The following POC5 variants were observed in gnomAD, a reference collection of about 807,000 sequenced individuals.
POC5 encodes the protein POC5 centriolar protein.
POC5 carries 48 observed loss-of-function variants against 62.9 expected under a neutral mutation model. That is an observed-to-expected ratio of 0.76 (90% CI 0.61 to 0.97). POC5 has a LOEUF of 0.97. Among genes scored for constraint, POC5 ranks in the 50% least tolerant of loss-of-function variants. The pLI is 0.00. For missense variants in POC5, 696 were observed against 679.5 expected (o/e 1.02, Z -0.27); for synonymous variants, 236 against 228.2 (o/e 1.03, Z -0.31).
In POC5 at chr5:75,674,547, T is replaced by C. The variant is rs550940695; in HGVS notation, c.1616A>G (p.Tyr539Cys). 5.7e-5 allele frequency: 92 copies of C among 1,613,988 alleles called. 2 individuals carry two copies. In the South Asian group the frequency reaches 8.5e-4, roughly 15 times the overall value. The change falls in exon 12 of 12, where the codon TAT (tyrosine) becomes TGT (cysteine). Residue 539 changes from tyrosine to cysteine, a missense_variant. Tyr to Cys is a radical substitution (Grantham distance 194). Coordinates refer to ENST00000428202, the MANE Select transcript of POC5 (RefSeq NM_001099271.2). ...QTIPQATAAKYPRTIHPESST... is the reference protein window; with the variant it reads ...QTIPQATAAKCPRTIHPESST... ...ACTTTCAGGATGAATGGTCCGGGGA[T>C]ATTTTGCTGCAGTTGCTTGAGGAAT...
chr5:75,703,923 A>T (rs1209051128), intron 4 of POC5, among the ~76,000 whole-genome samples: 1 of 152,008 alleles, frequency 6.6e-6, no homozygotes, highest in East Asian at 1.9e-4. Context: ...TGGGAGGCTG[A>T]AGTGGGCGAA....
intron 9 of POC5, among the ~76,000 whole-genome samples, chr5:75,688,347 T>A (rs1198771224): frequency 6.6e-6 from 1 of 152,174 alleles, no homozygotes; most frequent in Non-Finnish European, 1.5e-5. Flanking sequence ...AAGGTTTATA[T>A]TATCTCCTTC....
intron 10 of POC5, among the ~76,000 whole-genome samples, chr5:75,681,261 C>A (rs1172022923): frequency 6.6e-6 from 1 of 152,100 alleles, no homozygotes; most frequent in African/African-American, 2.4e-5. Flanking sequence ...GCCTCAATTT[C>A]TTCATTTATA....
intron 5 of POC5, among the ~76,000 whole-genome samples, 171 bp from the exon 6 acceptor site, chr5:75,695,002 T>A (rs1776501256): frequency 6.6e-6 from 1 of 152,176 alleles, no homozygotes; most frequent in Non-Finnish European, 1.5e-5. Context: ...CAGTCACAGG[T>A]CTGTGCAGTT....
In POC5 at chr5:75,678,048, A is replaced by G. The variant is rs937486926; in HGVS notation, c.1408-98T>C. 6.1e-6 allele frequency: 6 copies of G among 985,256 alleles called. No homozygotes were observed. The Admixed American group carries it at 2.3e-4, about 38-fold the overall frequency. The allele number at this position is 985,256 out of a possible 1,614,324, so 61.0% of individuals were successfully genotyped here. On this transcript the variant is annotated intron_variant, in intron 10 of 11. Coordinates refer to ENST00000428202, the MANE Select transcript of POC5 (RefSeq NM_001099271.2). ...ATTATGAAGAATACACAGGCACTTA[A>G]AATAACTGTATGTTCAACCAACTTT...
intron 4 of POC5, among the ~76,000 whole-genome samples, chr5:75,704,605 C>T (rs1043781799): frequency 1.3e-5 from 2 of 152,164 alleles, no homozygotes; most frequent in Non-Finnish European, 1.5e-5. Flanking sequence ...CCAACTAGAT[C>T]TGTACTCACA....
At chr5:75,696,873 G>C (rs1776621153) in intron 5 of POC5, among the ~76,000 whole-genome samples, 1 of 151,874 alleles carries the variant, frequency 6.6e-6, no homozygotes, top group African/African-American at 2.4e-5. Flanking sequence ...AGCTGATGGA[G>C]CTGAAAACCA....
At chr5:75,688,804 T>G (rs1776199085) in intron 9 of POC5, among the ~76,000 whole-genome samples, 2 of 152,216 alleles carry the variant, frequency 1.3e-5, no homozygotes, top group African/African-American at 4.8e-5. Flanking sequence ...GTGTACTTGA[T>G]CAGATCTAAG....
At chr5:75,696,529 G>A (rs1295892001) in intron 5 of POC5, among the ~76,000 whole-genome samples, 1 of 151,692 alleles carries the variant, frequency 6.6e-6, no homozygotes, top group Non-Finnish European at 1.5e-5. Flanking sequence ...CTAACAAACA[G>A]AAAGGACATC....
intron 8 of POC5, 108 bp from the exon 9 acceptor site, chr5:75,689,273 G>T (rs1215407630): frequency 5.8e-6 from 8 of 1,381,268 alleles, no homozygotes; most frequent in Admixed American, 3.1e-5. Context: ...ATATTAAAAA[G>T]TTTGTCACTT....
intron 10 of POC5, 150 bp from the exon 11 acceptor site, chr5:75,678,100 C>T (rs1384755756): frequency 1.0e-5 from 6 of 575,426 alleles, no homozygotes; most frequent in African/African-American, 3.9e-5. Flanking sequence ...AATCACAAGA[C>T]GAAAAGCAAA....
chr5:75,676,021 A>G (rs34361), intron 11 of POC5, among the ~76,000 whole-genome samples: 88,178 of 152,036 alleles, frequency 0.58, 26,097 homozygotes, highest in Middle Eastern at 0.68. Context: ...TGGTTCATAC[A>G]CAGTTAGTGG....
chr5:75,706,884 T>C (rs1428707892), intron 3 of POC5, among the ~76,000 whole-genome samples: 4 of 152,202 alleles, frequency 2.6e-5, no homozygotes, highest in African/African-American at 9.6e-5. Context: ...GTCCTGTTTG[T>C]TGTTCCACTG....
At chr5:75,696,335 A>C (rs1047162137) in intron 5 of POC5, among the ~76,000 whole-genome samples, 1 of 152,218 alleles carries the variant, frequency 6.6e-6, no homozygotes, top group African/African-American at 2.4e-5. Flanking sequence ...TGAAGAGAGC[A>C]GTGGTTCTCC....
intron 5 of POC5, among the ~76,000 whole-genome samples, chr5:75,698,159 C>T (rs1413369643): frequency 7.9e-5 from 11 of 138,646 alleles, no homozygotes; most frequent in Admixed American, 2.9e-4. Context: ...GACAGATCAA[C>T]GAGACAGAAA....
Position 75,694,822 on chromosome 5 carries a change from T to C in POC5, c.523A>G (p.Ile175Val), listed in dbSNP as rs778144035. The C allele has an allele frequency of 8.8e-5, 134 of 1,526,704 alleles. No individual in the cohort carries two copies. The highest frequency in any genetic ancestry group is 1.1e-4 in the Non-Finnish European group (125 of 1,122,088). 94.6% of individuals were successfully genotyped at this position (1,526,704 alleles called of 1,614,324 possible). Residue 175 changes from isoleucine (I) to valine (V), a missense_variant, in exon 6 of 12, where the codon ATA becomes GTA. Ile to Val is a conservative substitution (Grantham distance 29). Coordinates refer to ENST00000428202, the MANE Select transcript of POC5 (RefSeq NM_001099271.2). ...AGTCTCCATTTACTTAGTTCAGATATGATGTTTGTCTGAAAAATTAATATA... is the reference window on the plus strand; with the variant it reads ...AGTCTCCATTTACTTAGTTCAGATACGATGTTTGTCTGAAAAATTAATATA... ...LWSSGLKTNI[I>V]SELSKWRLNF...
At position 75,716,390 on chromosome 5, in the gene POC5, G is replaced by GGGGT. The variant is rs1554075829; in HGVS notation, c.-15+915_-15+916insACCC. Among the ~76,000 whole-genome samples, 112 of 94,592 alleles carry GGGGT rather than the reference G, an allele frequency of 1.2e-3. 2 individuals are homozygous for GGGGT. Among genetic ancestry groups the GGGGT allele is most frequent in the African/African-American group, 3.9e-3 (98 of 24,890 alleles). 62.1% of individuals were successfully genotyped at this position (94,592 alleles called of 152,430 possible). ...CCAGGCAGGTAACAGGGGTGGGGGGGGGGGGGTGCTGATTATTTAAAAATG... is the reference window on the plus strand; with the variant it reads ...CCAGGCAGGTAACAGGGGTGGGGGGGGGGTGGGGGGTGCTGATTATTTAAAAATG... On this transcript the variant is annotated intron_variant, in intron 1 of 11. Transcript: ENST00000428202.
chr5:75,699,657 C>G lies in POC5; in HGVS notation c.513+2948G>C, dbSNP rs1029283504. Among the ~76,000 whole-genome samples the G allele has an allele frequency of 4.9e-5, 7 of 142,050 alleles. 2 individuals are homozygous for G. The highest frequency in any genetic ancestry group is 1.1e-4 in the Non-Finnish European group (7 of 63,584). 93.2% of individuals were successfully genotyped at this position (142,050 alleles called of 152,430 possible). ...GAAGCATTCCCTTTGAAAACTGGTA[C>G]AAGACAGGGATGCCCTCTCTCACCA... On this transcript the variant is annotated intron_variant, in intron 5 of 11. Transcript: ENST00000428202.
At chr5:75,689,800 T>C (rs1776246967) in intron 8 of POC5, 1 of 311,630 alleles carries the variant, frequency 3.2e-6, no homozygotes, top group African/African-American at 2.3e-5. Flanking sequence ...TTAGAATGGA[T>C]TTTATTTCAT....
Sources: allele counts gnomAD v4.1 joint callset (sites outside exome capture counted in the v4.1 genomes callset), GRCh38; gene constraint gnomAD v4.1.1; transcripts MANE v1.5; gene names NCBI Gene and HGNC (gene_info 2026-07-23, HGNC 2026-07-21).